MARCHF7: variants seen among roughly 807,000 people sequenced by gnomAD.
MARCHF7 encodes membrane associated ring-CH-type finger 7.
MARCHF7 carries 20 observed loss-of-function variants against 76.5 expected under a neutral mutation model. That is an observed-to-expected ratio of 0.26 (90% CI 0.18 to 0.38). The LOEUF (loss-of-function observed/expected upper bound fraction) is 0.38. MARCHF7 is among the 10% of genes least tolerant of loss of function. MARCHF7 has a pLI of 1.00. For missense variants in MARCHF7, 797 were observed against 812.9 expected, an observed-to-expected ratio of 0.98 and a Z score of 0.24; for synonymous variants, 295 against 293.0, an observed-to-expected ratio of 1.01 and a Z score of -0.07.
intron 5 of MARCHF7, among the ~76,000 whole-genome samples, chr2:159,743,570 A>T (rs1704405602): frequency 6.6e-6 from 1 of 152,186 alleles, no homozygotes. Flanking sequence ...AGGAAAGCTA[A>T]ATCTACTGAT....
intron 4 of MARCHF7, chr2:159,733,898 C>A: frequency 8.2e-7 from 1 of 1,213,448 alleles, no homozygotes; most frequent in Non-Finnish European, 1.0e-6. Context: ...AGCATTGTTT[C>A]TTTGGGAAAA....
intron 3 of MARCHF7, among the ~76,000 whole-genome samples, chr2:159,722,651 C>G (rs1218081079): frequency 1.3e-5 from 2 of 152,196 alleles, no homozygotes; most frequent in African/African-American, 4.8e-5. Flanking sequence ...AAAGATGTCT[C>G]TTAGAACCTT....
chr2:159,758,179 C>T (rs1377105222), intron 8 of MARCHF7, among the ~76,000 whole-genome samples: 1 of 152,110 alleles, frequency 6.6e-6, no homozygotes, highest in African/African-American at 2.4e-5. Context: ...ATTTGAAACC[C>T]TCTCTAAATA....
intron 8 of MARCHF7, among the ~76,000 whole-genome samples, chr2:159,756,592 C>T (rs1366657624): frequency 7.0e-6 from 1 of 142,916 alleles, no homozygotes; most frequent in Non-Finnish European, 1.5e-5. Flanking sequence ...GAGGCTGAGG[C>T]AAGAGAATCG....
At position 159,748,047 on chromosome 2, in the gene MARCHF7, A is replaced by T. The variant is rs370727541; in HGVS notation, c.757A>T (p.Ile253Phe). 1.2e-6 allele frequency: 2 copies of T among 1,614,180 alleles called. No homozygotes were observed. The highest frequency in any genetic ancestry group is 1.1e-5 in the South Asian group (1 of 91,080). Residue 253 changes from isoleucine to phenylalanine, a missense_variant, in exon 7 of 12, where the codon ATC becomes TTC. This residue lies in a region of MARCHF7 where 643 missense variants were observed against 631.5 expected (regional missense o/e 1.02). Coordinates refer to ENST00000409175, the MANE Select transcript of MARCHF7 (RefSeq NM_001282805.2). The part of the protein sequence containing the change: ...SYSSSRDEAP[I>F]ISNSERVVSS... ...CAGTTCAAGTAGAGATGAAGCCCCAATCATAAGCAATTCAGAAAGGGTTGT... is the reference window on the plus strand; with the variant it reads ...CAGTTCAAGTAGAGATGAAGCCCCATTCATAAGCAATTCAGAAAGGGTTGT...
rs1707989251 is a variant in MARCHF7, at chr2:159,768,147, T to A, written c.*805T>A. The A allele has an allele frequency of 6.6e-6, 1 of 152,608 alleles. No homozygotes were observed. Among genetic ancestry groups the A allele is most frequent in the Non-Finnish European group, 1.5e-5 (1 of 67,996 alleles). 9.5% of individuals were successfully genotyped at this position (152,608 alleles called of 1,614,324 possible). A position where few individuals can be genotyped will look rare whatever the true frequency, so the allele number is the denominator to read the frequency against. Reference sequence around the variant, plus strand: ...TAATGGAATATTTTTAAATCCCACATTCAGAGTTTAAAACACTGGTTTTCA... The same window carrying A: ...TAATGGAATATTTTTAAATCCCACAATCAGAGTTTAAAACACTGGTTTTCA... On this transcript the variant is annotated 3_prime_UTR_variant, in exon 12 of 12. Coordinates refer to ENST00000409175, the MANE Select transcript of MARCHF7 (RefSeq NM_001282805.2).
At chr2:159,719,237 G>A (rs577747318) in intron 3 of MARCHF7, among the ~76,000 whole-genome samples, 2 of 152,012 alleles carry the variant, frequency 1.3e-5, no homozygotes, top group East Asian at 3.9e-4. Context: ...GTAGAGACGG[G>A]GTGTCAATAT....
intron 3 of MARCHF7, among the ~76,000 whole-genome samples, chr2:159,716,596 T>C (rs1415388644): frequency 2.0e-5 from 3 of 151,944 alleles, no homozygotes; most frequent in African/African-American, 7.2e-5. Context: ...GCTGCAGTGA[T>C]TGCACCACTG....
At chr2:159,751,154 CAT>C (rs1330045030) in intron 7 of MARCHF7, among the ~76,000 whole-genome samples, 2 of 152,172 alleles carry the variant, frequency 1.3e-5, no homozygotes, top group African/African-American at 2.4e-5. Context: ...GATGTAGTAA[CAT>C]ATTTTCAGCC....
chr2:159,722,419 C>A (rs1200415215), intron 3 of MARCHF7, among the ~76,000 whole-genome samples: 1 of 152,204 alleles, frequency 6.6e-6, no homozygotes, highest in East Asian at 1.9e-4. Flanking sequence ...CAGCTGTAAG[C>A]CACCATGCCC....
chr2:159,768,212 T>C lies in MARCHF7; in HGVS notation c.*870T>C, dbSNP rs909453341. 2.6e-5 allele frequency: 4 copies of C among 152,474 alleles called. No individual in the cohort carries two copies. The highest frequency in any genetic ancestry group is 6.5e-5 in the Admixed American group (1 of 15,268). 9.4% of individuals were successfully genotyped at this position (152,474 alleles called of 1,614,324 possible). A position where few individuals can be genotyped will look rare whatever the true frequency, so the allele number is the denominator to read the frequency against. On this transcript the variant is annotated 3_prime_UTR_variant, in exon 12 of 12. Transcript: ENST00000409175. The stretch of plus-strand genomic sequence containing the variant: ...GTTGTCACTTGTTTATAGATAAATA[T>C]ATAAATAACCTGTTTGGATCCTGGT...
chr2:159,768,748 A>G lies in MARCHF7; in HGVS notation c.*1406A>G, dbSNP rs1465689006. ...GCATTGTCTGTCTTAAAGCAAAAATATAAAATTTAAGGGTGGTAGTTTTAA... is the reference window on the plus strand; with the variant it reads ...GCATTGTCTGTCTTAAAGCAAAAATGTAAAATTTAAGGGTGGTAGTTTTAA... On this transcript the variant is annotated 3_prime_UTR_variant, in exon 12 of 12. Transcript: ENST00000409175. 1.3e-5 allele frequency: 2 copies of G among 152,410 alleles called. No homozygotes were observed. The highest frequency in any genetic ancestry group is 1.5e-5 in the Non-Finnish European group (1 of 68,020). The allele number at this position is 152,410 out of a possible 1,614,324, so 9.4% of individuals were successfully genotyped here.
At chr2:159,759,649 T>C (rs930589365) in intron 9 of MARCHF7, among the ~76,000 whole-genome samples, 2 of 152,192 alleles carry the variant, frequency 1.3e-5, no homozygotes, top group Non-Finnish European at 2.9e-5. Context: ...CTCCTTTTTC[T>C]TTACTGAAGG....
At chr2:159,756,167 A>G (rs1706266407) in intron 8 of MARCHF7, among the ~76,000 whole-genome samples, 2 of 152,226 alleles carry the variant, frequency 1.3e-5, no homozygotes, top group African/African-American at 2.4e-5. Context: ...ATGAACAACA[A>G]CAACTTGACT....
intron 4 of MARCHF7, among the ~76,000 whole-genome samples, chr2:159,738,429 G>A (rs1307108693): frequency 6.6e-6 from 1 of 152,164 alleles, no homozygotes; most frequent in Non-Finnish European, 1.5e-5. Context: ...ACCATTTGGC[G>A]GGTCCCGAGT....
chr2:159,751,215 C>T (rs1192235563), intron 7 of MARCHF7, among the ~76,000 whole-genome samples: 2 of 152,074 alleles, frequency 1.3e-5, no homozygotes, highest in Non-Finnish European at 2.9e-5. Context: ...GAGAGCAAAG[C>T]GTTACTTTAG....
chr2:159,748,884 T>G lies in MARCHF7; in HGVS notation c.1594T>G (p.Leu532Val). 5 of 1,605,176 alleles carry G rather than the reference T, an allele frequency of 3.1e-6. No homozygotes were observed. Among genetic ancestry groups the G allele is most frequent in the Non-Finnish European group, 4.3e-6 (5 of 1,176,336 alleles). ...TGCGCCTTCAAGAGATCCAGAAAGA[T>G]TGCAGAAAATAAAAGAGAGGTAAAT... ...KSAPSRDPERLQKIKESLLLE... is the reference protein window; with the variant it reads ...KSAPSRDPERVQKIKESLLLE... Residue 532 changes from leucine to valine, a missense_variant, in exon 7 of 12, where the codon TTG (leucine) becomes GTG (valine). This residue lies in a region of MARCHF7 where 643 missense variants were observed against 631.5 expected (regional missense o/e 1.02). Transcript: ENST00000409175.
chr2:159,719,165 A>C (rs534227428), intron 3 of MARCHF7, among the ~76,000 whole-genome samples: 2 of 152,122 alleles, frequency 1.3e-5, no homozygotes, highest in East Asian at 1.9e-4. Flanking sequence ...ATTTTTAGTA[A>C]AGACGAGGTT....
At chr2:159,753,364 G>A (rs1389556784) in intron 8 of MARCHF7, among the ~76,000 whole-genome samples, 1 of 151,988 alleles carries the variant, frequency 6.6e-6, no homozygotes, top group Non-Finnish European at 1.5e-5. Context: ...GAGGTCAGGA[G>A]ATCGAGACCA....
Sources: allele counts gnomAD v4.1 joint callset (sites outside exome capture counted in the v4.1 genomes callset), GRCh38; gene constraint gnomAD v4.1.1; regional missense constraint gnomAD v4.1.1; transcripts MANE v1.5; gene names NCBI Gene and HGNC (gene_info 2026-07-23, HGNC 2026-07-21).